The following LIMK2 variants were observed in gnomAD, a reference collection of about 807,000 sequenced individuals.
LIMK2 encodes the protein LIM domain kinase 2.
Under a neutral mutation model 75.7 loss-of-function variants are expected in LIMK2, and 35 were observed. The ratio of observed to expected loss-of-function variants is 0.46; its 90% CI spans 0.35 to 0.61. The LOEUF (loss-of-function observed/expected upper bound fraction) is 0.61, where lower values mean the gene tolerates loss of function less well. Among genes scored for constraint, LIMK2 ranks in the 20% least tolerant of loss-of-function variants. LIMK2 has a pLI of 0.00. For missense variants in LIMK2, 623 were observed against 831.0 expected (o/e 0.75, Z 3.08); for synonymous variants, 301 against 319.2 (o/e 0.94, Z 0.61).
At chr22:31,230,056 C>CTTTTTTTTTTTTTTTT (rs33933239) in intron 2 of LIMK2, 4 of 120,822 alleles carry the variant, frequency 3.3e-5, no homozygotes, top group Admixed American at 8.6e-5. Context: ...TTCTTTCTTT[C>CTTTTTTTTTTTTTTTT]TTTTTTTTTT....
At chr22:31,257,183 C>T (rs566917333) in intron 2 of LIMK2, among the ~76,000 whole-genome samples, 1 of 151,366 alleles carries the variant, frequency 6.6e-6, no homozygotes, top group African/African-American at 2.4e-5. Flanking sequence ...TCAGCCACCC[C>T]GCCCAGCGAG....
At chr22:31,275,347 T>G (rs2049002900) in intron 15 of LIMK2, 39 bp downstream of exon 15, 1 of 1,610,038 alleles carries the variant, frequency 6.2e-7, no homozygotes, top group Non-Finnish European at 8.5e-7. Flanking sequence ...CACAGGGTCC[T>G]GGGACGTTTG....
At position 31,227,074 on chromosome 22, in the gene LIMK2, T is replaced by C. The variant is rs1350104387; in HGVS notation, c.116+1255T>C. 5.9e-5 allele frequency among the ~76,000 whole-genome samples: 9 copies of C among 152,248 alleles called. No homozygotes were observed. The East Asian group carries it at 1.7e-3, about 29-fold the overall frequency. ...TAATATATGCAGTGTATCCAGTACA[T>C]GGTAGACACCCAGTGAATGGTTATT... On this transcript the variant is annotated intron_variant, in intron 2 of 15. Coordinates refer to ENST00000331728, the MANE Select transcript of LIMK2 (RefSeq NM_005569.4).
chr22:31,246,078 CAA>C lies in LIMK2; in HGVS notation c.117-12212_117-12211del, dbSNP rs376065275. The stretch of plus-strand genomic sequence containing the variant: ...GTCCCAGCTACTTGGGAGGCTGAGA[CAA>C]GAGAATTGCTTGAACCTGGGAGGCG... On this transcript the variant is annotated intron_variant, in intron 2 of 15. Transcript: ENST00000331728. 4.3e-3 allele frequency among the ~76,000 whole-genome samples: 660 copies of C among 151,780 alleles called. 3 individuals are homozygous for C. Among genetic ancestry groups the C allele is most frequent in the African/African-American group, 0.015 (628 of 41,394 alleles).
chr22:31,245,296 T>A (rs1177773719), intron 2 of LIMK2, among the ~76,000 whole-genome samples: 1 of 152,120 alleles, frequency 6.6e-6, no homozygotes, highest in Non-Finnish European at 1.5e-5. Flanking sequence ...GGCCTGTGAT[T>A]GATTGATTTT....
chr22:31,238,225 T>C (rs1045079837), intron 2 of LIMK2, among the ~76,000 whole-genome samples: 2 of 152,166 alleles, frequency 1.3e-5, no homozygotes, highest in African/African-American at 4.8e-5. Context: ...ATAAAGATGC[T>C]GAATCTAGAT....
chr22:31,243,971 G>A (rs968210170), intron 2 of LIMK2, among the ~76,000 whole-genome samples: 1 of 152,214 alleles, frequency 6.6e-6, no homozygotes, highest in Non-Finnish European at 1.5e-5. Context: ...ATTTTTGGAG[G>A]TCAAATGGAT....
At chr22:31,235,559 G>A (rs868133896) in intron 2 of LIMK2, among the ~76,000 whole-genome samples, 3 of 152,266 alleles carry the variant, frequency 2.0e-5, no homozygotes, top group Middle Eastern at 3.4e-3. Context: ...GGGCAAGAGA[G>A]GAAGAATGAG....
rs201917869 is a variant in LIMK2 at position 31,212,389 on chromosome 22, A to G, written c.-20A>G. On this transcript the variant is annotated 5_prime_UTR_variant, in exon 1 of 16. Coordinates refer to ENST00000331728, the MANE Select transcript of LIMK2 (RefSeq NM_005569.4). ...CTGTGTCCCCCGCCTCCTCCTCCCC[A>G]TTTCCGCGCTCCCGGGACCATGTCC... The G allele has an allele frequency of 8.2e-6, 11 of 1,338,866 alleles. No homozygotes were observed. Among genetic ancestry groups the G allele is most frequent in the Middle Eastern group, 2.0e-4 (1 of 5,010 alleles). 82.9% of individuals were successfully genotyped at this position (1,338,866 alleles called of 1,614,324 possible).
chr22:31,255,873 A>T (rs895883732), intron 2 of LIMK2, among the ~76,000 whole-genome samples: 28 of 150,802 alleles, frequency 1.9e-4, no homozygotes, highest in Admixed American at 1.7e-3. Flanking sequence ...TACTAAGAGA[A>T]GTTGTCCAGC....
At chr22:31,272,227 A>ATTTTTTTTTTT (rs34015226) in intron 12 of LIMK2, among the ~76,000 whole-genome samples, 1 of 131,028 alleles carries the variant, frequency 7.6e-6, no homozygotes, top group Non-Finnish European at 1.6e-5. Flanking sequence ...CGCCCAGCTA[A>ATTTTTTTTTTT]TTTTTTTTTT....
At chr22:31,227,714 G>A (rs981245605) in intron 2 of LIMK2, among the ~76,000 whole-genome samples, 25 of 152,302 alleles carry the variant, frequency 1.6e-4, no homozygotes, top group African/African-American at 5.5e-4. Flanking sequence ...ATTGGGTCTC[G>A]CCTTGGCATG....
intron 1 of LIMK2, among the ~76,000 whole-genome samples, chr22:31,214,520 G>A (rs62237437): frequency 0.041 from 6,167 of 151,584 alleles, 115 homozygotes; most frequent in Non-Finnish European, 0.051. Flanking sequence ...GTTGCCCACG[G>A]TGGTTTCAAG....
chr22:31,243,987 C>T (rs577669631), intron 2 of LIMK2, among the ~76,000 whole-genome samples: 2 of 152,274 alleles, frequency 1.3e-5, no homozygotes, highest in East Asian at 1.9e-4. Context: ...TGGATTCCAC[C>T]TGGGAGGGGC....
At chr22:31,248,848 T>A in intron 2 of LIMK2, 4 of 1,448,828 alleles carry the variant, frequency 2.8e-6, no homozygotes, top group Non-Finnish European at 3.9e-6. Flanking sequence ...CTAAATCTCC[T>A]TCTCACTTAG....
chr22:31,225,387 G>A (rs5753516), intron 1 of LIMK2, among the ~76,000 whole-genome samples: 6,825 of 152,246 alleles, frequency 0.045, 567 homozygotes, highest in East Asian at 0.37. Flanking sequence ...GATTGTGTTC[G>A]TTTCTTCTTC....
rs182607024 is a variant in LIMK2, at chr22:31,272,103, C to A, written c.1384-427C>A. Among the ~76,000 whole-genome samples the A allele has an allele frequency of 5.2e-3, 786 of 152,232 alleles. 5 individuals carry two copies. The highest frequency in any genetic ancestry group is 0.018 in the African/African-American group (745 of 41,536). On this transcript the variant is annotated intron_variant, in intron 12 of 15. Coordinates refer to ENST00000331728, the MANE Select transcript of LIMK2 (RefSeq NM_005569.4). ...TTAGATGGAGTCTCATTCTGTTTCC[C>A]AGGCTGGAGTGCAGTGGTGCAATCT...
At chr22:31,228,282 G>A (rs1305004502) in intron 2 of LIMK2, among the ~76,000 whole-genome samples, 3 of 152,104 alleles carry the variant, frequency 2.0e-5, no homozygotes, top group African/African-American at 7.2e-5. Flanking sequence ...AGCTTGGCAT[G>A]GTGGCACATG....
chr22:31,252,813 ATAT>A (rs1192864838), intron 2 of LIMK2, among the ~76,000 whole-genome samples: 8 of 152,182 alleles, frequency 5.3e-5, no homozygotes, highest in South Asian at 2.1e-4. Context: ...ACCCCATAAG[ATAT>A]TATTAGCAAT....
Sources: allele counts gnomAD v4.1 joint callset (sites outside exome capture counted in the v4.1 genomes callset), GRCh38; gene constraint gnomAD v4.1.1; transcripts MANE v1.5; gene names NCBI Gene and HGNC (gene_info 2026-07-23, HGNC 2026-07-21).